The following RYR3 variants were observed in gnomAD, a reference collection of about 807,000 sequenced individuals.
RYR3 encodes brain ryanodine receptor-calcium release channel.
A neutral mutation model predicts 584.3 loss-of-function variants in RYR3; 207 were observed. That is an observed-to-expected ratio of 0.35 (90% confidence interval 0.32 to 0.40). The LOEUF is 0.40. Among genes scored for constraint, RYR3 ranks in the 10% least tolerant of loss-of-function variants. The probability of loss-of-function intolerance (pLI) is 1.00; values close to 1 mark genes in which losing one functional copy is unlikely to be tolerated. For synonymous variants in RYR3, 2,416 were observed against 2,248.5 expected, an observed-to-expected ratio of 1.07 and a Z score of -2.11; for missense variants, 5,616 against 6,089.2, an observed-to-expected ratio of 0.92 and a Z score of 2.59.
intron 27 of RYR3, among the ~76,000 whole-genome samples, chr15:33,638,106 G>T (rs1303139760): frequency 6.6e-6 from 1 of 152,150 alleles, no homozygotes; most frequent in African/African-American, 2.4e-5. Context: ...AATGACTAAA[G>T]TCAAATGGAG....
At chr15:33,786,367 T>G (rs1209980303) in intron 66 of RYR3, among the ~76,000 whole-genome samples, 2 of 152,114 alleles carry the variant, frequency 1.3e-5, no homozygotes, top group Non-Finnish European at 2.9e-5. Context: ...TGTATAAAAC[T>G]CACTGCCATC....
chr15:33,427,132 A>C (rs561405523), intron 1 of RYR3, among the ~76,000 whole-genome samples: 30 of 152,222 alleles, frequency 2.0e-4, no homozygotes, highest in Non-Finnish European at 4.0e-4. Flanking sequence ...TCTGATGGAT[A>C]CAGGGATCCA....
rs779039450 is a variant in RYR3 at position 33,865,177 on chromosome 15, T to A, written c.14564T>A (p.Phe4855Tyr). The A allele has an allele frequency of 1.2e-6, 2 of 1,613,880 alleles. No homozygotes were observed. Among genetic ancestry groups the A allele is most frequent in the Non-Finnish European group, 1.7e-6 (2 of 1,179,916 alleles). Residue 4855 changes from phenylalanine to tyrosine, a missense_variant, in exon 104 of 104, where the codon TTC (phenylalanine) becomes TAC (tyrosine). Transcript: ENST00000634891. ...KMYQERCWDF[F>Y]PAGDCFRKQY... ...TACCAAGAAAGGTGTTGGGATTTCT[T>A]CCCAGCCGGTGACTGCTTTCGTAAA...
chr15:33,355,067 C>G (rs952673826), intron 1 of RYR3, among the ~76,000 whole-genome samples: 22 of 151,866 alleles, frequency 1.4e-4, no homozygotes, highest in African/African-American at 4.8e-4. Flanking sequence ...GCCTGTAATC[C>G]CTGCTACTCA....
At chr15:33,707,633 G>C (rs182098416) in intron 43 of RYR3, among the ~76,000 whole-genome samples, 3 of 152,062 alleles carry the variant, frequency 2.0e-5, no homozygotes, top group Non-Finnish European at 2.9e-5. Context: ...AAATAAGTGG[G>C]GTACTTTCTT....
chr15:33,713,082 T>C (rs2067235117), intron 43 of RYR3, among the ~76,000 whole-genome samples: 1 of 152,222 alleles, frequency 6.6e-6, no homozygotes, highest in African/African-American at 2.4e-5. Flanking sequence ...TCCTTATGTC[T>C]AAAAGGTGAT....
intron 32 of RYR3, among the ~76,000 whole-genome samples, chr15:33,656,447 G>A (rs920619411): frequency 1.3e-5 from 2 of 152,074 alleles, no homozygotes; most frequent in Admixed American, 6.5e-5. Flanking sequence ...AGTATGTGTT[G>A]CCAGACTGAC....
At chr15:33,799,033 G>A (rs1381177448) in intron 67 of RYR3, among the ~76,000 whole-genome samples, 1 of 151,908 alleles carries the variant, frequency 6.6e-6, no homozygotes, top group Non-Finnish European at 1.5e-5. Flanking sequence ...AGGTTTTTTA[G>A]ACCATTTTGA....
At chr15:33,579,574 T>C (rs2058489193) in intron 12 of RYR3, among the ~76,000 whole-genome samples, 1 of 152,164 alleles carries the variant, frequency 6.6e-6, no homozygotes, top group Non-Finnish European at 1.5e-5. Flanking sequence ...AGGGGAAGCA[T>C]CTGCTATAGA....
intron 95 of RYR3, 117 bp downstream of exon 95, chr15:33,853,204 A>C: frequency 7.1e-5 from 71 of 996,588 alleles, no homozygotes; most frequent in Non-Finnish European, 9.7e-5. Flanking sequence ...ATAATATCTC[A>C]AGAAGAGTAA....
At chr15:33,730,819 T>A (rs1203761885) in intron 47 of RYR3, among the ~76,000 whole-genome samples, 2 of 152,256 alleles carry the variant, frequency 1.3e-5, no homozygotes, top group Admixed American at 6.5e-5. Context: ...GTTAGAGTTG[T>A]ACAGAAGGTC....
intron 42 of RYR3, among the ~76,000 whole-genome samples, chr15:33,705,101 T>TCTCTCTCTCTCTCTC (rs1156781766): frequency 4.9e-5 from 7 of 142,104 alleles, no homozygotes; most frequent in Admixed American, 2.1e-4. Context: ...CACACACTCT[T>TCTCTCTCTCTCTCTC]TCTCTCTCTC....
chr15:33,332,404 A>G (rs58975522), intron 1 of RYR3, among the ~76,000 whole-genome samples: 13,718 of 152,160 alleles, frequency 0.09, 1,372 homozygotes, highest in African/African-American at 0.25. Context: ...ACTTATCTCA[A>G]TAATTGATCT....
At chr15:33,605,152 C>A (rs142798305) in intron 18 of RYR3, among the ~76,000 whole-genome samples, 1,928 of 152,286 alleles carry the variant, frequency 0.013, 18 homozygotes, top group Non-Finnish European at 0.02. Flanking sequence ...AAAATTTAGT[C>A]TTTTTCTGAC....
rs750554261 is a variant in RYR3, at chr15:33,756,320, A to G, written c.8530A>G (p.Ser2844Gly). 8 of 1,579,876 alleles carry G rather than the reference A, an allele frequency of 5.1e-6. No individual in the cohort carries two copies. The highest frequency in any genetic ancestry group is 6.9e-6 in the Non-Finnish European group (8 of 1,161,878). Residue 2844 changes from serine to glycine, a missense_variant, in exon 59 of 104, where the codon AGT (serine) becomes GGT (glycine). Physicochemically the swap from Ser to Gly is moderately conservative, Grantham distance 56. This residue lies in a region of RYR3 where 1,280 missense variants were observed against 1,426.2 expected (regional missense o/e 0.90). Transcript: ENST00000634891. ...TGTCTTCGTAGAAGCCATTGTCAGC[A>G]GTGGGAAAACTGAAAAGTCTCCCCG... is the stretch of plus-strand genomic sequence containing the variant. ...FIAHLEAIVS[S>G]GKTEKSPRDQ...
intron 2 of RYR3, among the ~76,000 whole-genome samples, chr15:33,500,364 A>G (rs1458297761): frequency 6.6e-6 from 1 of 152,194 alleles, no homozygotes; most frequent in Non-Finnish European, 1.5e-5. Context: ...ACTACAAAAC[A>G]GGGGCAGCAG....
intron 1 of RYR3, among the ~76,000 whole-genome samples, chr15:33,359,609 T>TTTAA (rs1974468683): frequency 1.3e-5 from 2 of 150,500 alleles, no homozygotes; most frequent in African/African-American, 4.9e-5. Flanking sequence ...TATTTATTTA[T>TTTAA]TTATTTATTT....
chr15:33,485,273 G>C (rs1441419830), intron 2 of RYR3, among the ~76,000 whole-genome samples: 2 of 152,164 alleles, frequency 1.3e-5, no homozygotes, highest in Non-Finnish European at 2.9e-5. Context: ...CCAATTTAGA[G>C]AACTTGAGCA....
chr15:33,865,062 C>A, intron 103 of RYR3, 69 bp from the exon 104 acceptor site: 1 of 1,284,084 alleles, frequency 7.8e-7, no homozygotes, highest in Non-Finnish European at 1.1e-6. Context: ...CCACAAAGAA[C>A]AAAAACAAAC....
Sources: gnomAD v4.1 joint callset for allele counts (sites outside exome capture counted in the v4.1 genomes callset) on GRCh38, gnomAD v4.1.1 for gene constraint, gnomAD v4.1.1 regional missense constraint, MANE v1.5 for transcripts, NCBI Gene and HGNC (gene_info 2026-07-23, HGNC 2026-07-21) for gene names.